TNFRSF1B: variants seen among roughly 807,000 people sequenced by gnomAD.
TNFRSF1B encodes TNF receptor superfamily member 1B, also known as tumor necrosis factor receptor superfamily member 1B.
Under a neutral mutation model 44.6 loss-of-function variants are expected in TNFRSF1B, and 19 were observed. That is an observed-to-expected ratio of 0.43 (90% CI 0.30 to 0.62). The LOEUF (loss-of-function observed/expected upper bound fraction) is 0.62. Ranked by LOEUF, TNFRSF1B falls within the 20% of genes least tolerant of loss-of-function variation. The pLI is 0.16. For missense variants in TNFRSF1B, 541 were observed against 619.9 expected, an observed-to-expected ratio of 0.87 and a Z score of 1.35; for synonymous variants, 252 against 261.1, an observed-to-expected ratio of 0.97 and a Z score of 0.34.
At position 12,169,045 on chromosome 1, in the gene TNFRSF1B, C is replaced by A. The variant is rs1460336156; in HGVS notation, c.78+1876C>A. ...TGCAAAAAGCATTGTCCGTGCCATC[C>A]CCTCTCCAAGGGACACTTCTTACCC... On this transcript the variant is annotated intron_variant, in intron 1 of 9. Transcript: ENST00000376259. This position sits in a 1 kb window ranked among gnomAD's most constrained non-coding sequence, Gnocchi z 4.5. 1.3e-5 allele frequency among the ~76,000 whole-genome samples: 2 copies of A among 152,184 alleles called. No homozygotes were observed. Among genetic ancestry groups the A allele is most frequent in the Non-Finnish European group, 2.9e-5 (2 of 68,044 alleles).
chr1:12,173,206 A>T (rs1638560483), intron 1 of TNFRSF1B, among the ~76,000 whole-genome samples: 1 of 152,112 alleles, frequency 6.6e-6, no homozygotes, highest in Admixed American at 6.6e-5. Context: ...GAAACCTAAC[A>T]ACCCTGGTTC....
At chr1:12,194,837 C>T (rs146844267) in intron 8 of TNFRSF1B, among the ~76,000 whole-genome samples, 9 of 152,332 alleles carry the variant, frequency 5.9e-5, no homozygotes, top group East Asian at 1.9e-4. Context: ...CAGATGCCTT[C>T]GTGGCGTTCG....
intron 8 of TNFRSF1B, among the ~76,000 whole-genome samples, chr1:12,198,137 A>C (rs1309639332): frequency 6.6e-6 from 1 of 151,920 alleles, no homozygotes; most frequent in Non-Finnish European, 1.5e-5. Context: ...AAAAAAAAAA[A>C]AAAACCAATA....
rs1557641682 is a variant in TNFRSF1B at position 12,204,808 on chromosome 1, C to CAA, written c.1106-1932_1106-1931insAA. Among the ~76,000 whole-genome samples the CAA allele has an allele frequency of 1.3e-3, 199 of 148,434 alleles. 1 individual carries two copies. The highest frequency in any genetic ancestry group is 5.0e-3 in the African/African-American group (189 of 38,094). On this transcript the variant is annotated intron_variant, in intron 9 of 9. Coordinates refer to ENST00000376259, the MANE Select transcript of TNFRSF1B (RefSeq NM_001066.3). ...AAAAACATCACCACCACCACCACCA[C>CAA]CACCACCAACAAAAAAACCCGTAGA...
chr1:12,205,555 G>A (rs1397774487), intron 9 of TNFRSF1B, among the ~76,000 whole-genome samples: 3 of 152,218 alleles, frequency 2.0e-5, no homozygotes, highest in Non-Finnish European at 4.4e-5. Flanking sequence ...CCAGATGGGA[G>A]TGAGGGGAGG....
chr1:12,205,138 G>A (rs1046876103), intron 9 of TNFRSF1B, among the ~76,000 whole-genome samples: 1 of 152,214 alleles, frequency 6.6e-6, no homozygotes, highest in Non-Finnish European at 1.5e-5. Flanking sequence ...GTGGTGGATA[G>A]GATGGGAAGT....
chr1:12,192,062 C>T, intron 4 of TNFRSF1B, 139 bp downstream of exon 4: 1 of 1,192,480 alleles, frequency 8.4e-7, no homozygotes, highest in Non-Finnish European at 1.2e-6. Flanking sequence ...TGCTACCCAT[C>T]CGTCTGTCCA....
chr1:12,173,954 G>C (rs556213029), intron 1 of TNFRSF1B, among the ~76,000 whole-genome samples: 1 of 152,238 alleles, frequency 6.6e-6, no homozygotes, highest in South Asian at 2.1e-4. Flanking sequence ...CTGATGGGGG[G>C]TTGGAAGAGA....
intron 9 of TNFRSF1B, among the ~76,000 whole-genome samples, chr1:12,206,050 A>G (rs1381919914): frequency 6.6e-6 from 1 of 152,156 alleles, no homozygotes; most frequent in Non-Finnish European, 1.5e-5. Context: ...GGGAACTGTG[A>G]TGAGCAGGAG....
In TNFRSF1B at chr1:12,192,925, C is replaced by G. The variant is rs777077445; in HGVS notation, c.614C>G (p.Pro205Arg). 1.9e-6 allele frequency: 3 copies of G among 1,614,202 alleles called. No homozygotes were observed. The East Asian group carries it at 6.7e-5, about 36-fold the overall frequency. Residue 205 changes from proline to arginine, a missense_variant, in exon 6 of 10, where the codon CCC becomes CGC. Transcript: ENST00000376259. ...SMDAVCTSTS[P>R]TRSMAPGAVH... Reference sequence around the variant, plus strand: ...GATGCAGTCTGCACGTCCACGTCCCCCACCCGGAGTATGGCCCCAGGGGCA... The same window carrying G: ...GATGCAGTCTGCACGTCCACGTCCCGCACCCGGAGTATGGCCCCAGGGGCA...
Position 12,167,146 on chromosome 1 carries a change from G to C in TNFRSF1B, c.55G>C (p.Ala19Pro). ...ALAVGLELWAAAHALPAQVAF... is the reference protein window; with the variant it reads ...ALAVGLELWAPAHALPAQVAF... The stretch of plus-strand genomic sequence containing the variant: ...GGCCGTCGGACTGGAGCTCTGGGCT[G>C]CGGCGCACGCCTTGCCCGCCCAGGT... The change falls in exon 1 of 10, where the codon GCG becomes CCG. Residue 19 changes from alanine (A) to proline (P), a missense_variant. Coordinates refer to ENST00000376259, the MANE Select transcript of TNFRSF1B (RefSeq NM_001066.3). 4 of 1,329,012 alleles carry C rather than the reference G, an allele frequency of 3.0e-6. No homozygotes were observed. Among genetic ancestry groups the C allele is most frequent in the Non-Finnish European group, 3.9e-6 (4 of 1,036,428 alleles). 82.3% of individuals were successfully genotyped at this position (1,329,012 alleles called of 1,614,324 possible). A position where few individuals can be genotyped will look rare whatever the true frequency, so the allele number is the denominator to read the frequency against.
rs539924277 is a variant in TNFRSF1B, at chr1:12,168,774, G to T, written c.78+1605G>T. ...CCACGACCCCACCCGGACTATTGCC[G>T]CAGCCTTGTAGCTGGTCTCCCGGCC... On this transcript the variant is annotated intron_variant, in intron 1 of 9. Transcript: ENST00000376259. This position sits in a 1 kb window ranked among gnomAD's most constrained non-coding sequence, Gnocchi z 4.7. Among the ~76,000 whole-genome samples, 1 of 151,758 alleles carries T rather than the reference G, an allele frequency of 6.6e-6. No homozygotes were observed. Among genetic ancestry groups the T allele is most frequent in the Admixed American group, 6.6e-5 (1 of 15,244 alleles).
chr1:12,192,490 A>G lies in TNFRSF1B; in HGVS notation c.517A>G (p.Thr173Ala). The G allele has an allele frequency of 2.5e-6, 4 of 1,614,082 alleles. No individual in the cohort carries two copies. In the Admixed American group the frequency reaches 5.0e-5, roughly 20 times the overall value. Reference protein sequence around the residue: ...PCAPGTFSNTTSSTDICRPHQ... With the variant: ...PCAPGTFSNTASSTDICRPHQ... ...TGCCCCGGGGACGTTCTCCAACACG[A>G]CTTCATCCACGGATATTTGCAGGCC... The change falls in exon 5 of 10, where the codon ACT (threonine) becomes GCT (alanine). Residue 173 changes from threonine to alanine, a missense_variant. Coordinates refer to ENST00000376259, the MANE Select transcript of TNFRSF1B (RefSeq NM_001066.3).
At chr1:12,172,315 C>A (rs1638541009) in intron 1 of TNFRSF1B, among the ~76,000 whole-genome samples, 2 of 152,266 alleles carry the variant, frequency 1.3e-5, no homozygotes, top group Non-Finnish European at 2.9e-5. Flanking sequence ...CGCTGCTCTG[C>A]TGTTTTACTG....
rs1420687244 is a variant in TNFRSF1B at position 12,188,797 on chromosome 1, T to C, written c.80T>C (p.Val27Ala). The change falls in exon 2 of 10, where the codon GTG (valine) becomes GCG (alanine). Residue 27 changes from valine to alanine, a missense_variant and splice_region_variant. Coordinates refer to ENST00000376259, the MANE Select transcript of TNFRSF1B (RefSeq NM_001066.3). ...WAAAHALPAQ[V>A]AFTPYAPEPG... ...GCAGTCTTCCCTTCTTCCTTCCAGG[T>C]GGCATTTACACCCTACGCCCCGGAG... is the stretch of plus-strand genomic sequence containing the variant. 19 of 1,612,920 alleles carry C rather than the reference T, an allele frequency of 1.2e-5. No individual in the cohort carries two copies. The highest frequency in any genetic ancestry group is 1.6e-5 in the Non-Finnish European group (19 of 1,179,416).
rs1463489940 is a variant in TNFRSF1B, at chr1:12,169,687, T to C, written c.78+2518T>C. ...CTGCCAGCAGGGCTTTTGCCCCGTT[T>C]AAAAGTCTTATTTGCCAGCTGGTAT... On this transcript the variant is annotated intron_variant, in intron 1 of 9. Coordinates refer to ENST00000376259, the MANE Select transcript of TNFRSF1B (RefSeq NM_001066.3). The surrounding 1 kb of genome is among the most constrained non-coding windows in gnomAD (Gnocchi z 4.5). Among the ~76,000 whole-genome samples, 2 of 152,270 alleles carry C rather than the reference T, an allele frequency of 1.3e-5. No homozygotes were observed. Among genetic ancestry groups the C allele is most frequent in the Non-Finnish European group, 2.9e-5 (2 of 68,050 alleles).
rs745446941 is a variant in TNFRSF1B, at chr1:12,202,170, A to G, written c.1104A>G (p.Ser368=). The change falls in exon 9 of 10, where the codon TCA becomes TCG. Residue 368 remains serine, a splice_region_variant and synonymous_variant. Coordinates refer to ENST00000376259, the MANE Select transcript of TNFRSF1B (RefSeq NM_001066.3). The part of the protein sequence containing the change: ...AGEARASTGS[S]DSSPGGHGTQ... Reference sequence around the variant, plus strand: ...AGGCCCGGGCCAGCACCGGGAGCTCAGGTAAGAGGTGGGAGCACACCTGGC... The same window carrying G: ...AGGCCCGGGCCAGCACCGGGAGCTCGGGTAAGAGGTGGGAGCACACCTGGC... 6.5e-7 allele frequency: 1 copy of G among 1,545,006 alleles called. No homozygotes were observed. The highest frequency in any genetic ancestry group is 1.2e-5 in the South Asian group (1 of 84,066).
rs1186978397 is a variant in TNFRSF1B at position 12,171,959 on chromosome 1, G to C, written c.78+4790G>C. 6.6e-6 allele frequency among the ~76,000 whole-genome samples: 1 copy of C among 152,166 alleles called. No homozygotes were observed. Among genetic ancestry groups the C allele is most frequent in the Non-Finnish European group, 1.5e-5 (1 of 68,024 alleles). On this transcript the variant is annotated intron_variant, in intron 1 of 9. Transcript: ENST00000376259. This position sits in a 1 kb window ranked among gnomAD's most constrained non-coding sequence, Gnocchi z 4.5. The stretch of plus-strand genomic sequence containing the variant: ...TTGAAAAGTCAGTGGTGGCAGGGTG[G>C]GGTTCTGTTTGCCTCCATCTCTTGG...
intron 1 of TNFRSF1B, among the ~76,000 whole-genome samples, chr1:12,174,256 CCTT>C (rs893618494): frequency 1.0e-4 from 14 of 137,324 alleles, no homozygotes; most frequent in Admixed American, 4.1e-4. Context: ...TTCTCCTTCT[CCTT>C]CTTCTTCTGA....
Sources: gnomAD v4.1 joint callset for allele counts (sites outside exome capture counted in the v4.1 genomes callset) on GRCh38, gnomAD v4.1.1 for gene constraint, Gnocchi (gnomAD v3.1) non-coding constraint, MANE v1.5 for transcripts, NCBI Gene and HGNC (gene_info 2026-07-23, HGNC 2026-07-21) for gene names.